The following PPP1R36 variants were observed in gnomAD, a reference collection of about 807,000 sequenced individuals.
PPP1R36 encodes chromosome 14 open reading frame 50.
PPP1R36 carries 47 observed loss-of-function variants against 53.4 expected under a neutral mutation model. The observed-to-expected ratio is 0.88, with a 90% confidence interval of 0.70 to 1.12. The LOEUF (loss-of-function observed/expected upper bound fraction) is 1.12, where lower values mean the gene tolerates loss of function less well. PPP1R36 is among the 50% of genes most tolerant of loss of function. The pLI is 0.00. For synonymous variants in PPP1R36, 153 were observed against 170.5 expected (o/e 0.90, Z 0.80); for missense variants, 456 against 513.9 (o/e 0.89, Z 1.09).
At chr14:64,551,590 TAAAAC>T in intron 2 of PPP1R36, 1 of 456,258 alleles carries the variant, frequency 2.2e-6, no homozygotes, top group Non-Finnish European at 4.4e-6. Context: ...TTCCAATTCT[TAAAAC>T]AACTGTGGAA....
In PPP1R36 at chr14:64,579,951, C is replaced by T. The variant is rs535858212; in HGVS notation, c.668+5362C>T. Among the ~76,000 whole-genome samples the T allele has an allele frequency of 2.0e-5, 3 of 151,642 alleles. No homozygotes were observed. In the East Asian group the frequency reaches 5.9e-4, roughly 30 times the overall value. On this transcript the variant is annotated intron_variant, in intron 8 of 11. Coordinates refer to ENST00000298705, the MANE Select transcript of PPP1R36 (RefSeq NM_172365.3). ...CGCCACTGCACTCCAGCCTGGGCGA[C>T]AGAGCGAGACTCCGTCTCAAAAAAC... is the stretch of plus-strand genomic sequence containing the variant.
At chr14:64,568,757 A>G (rs2080280488) in intron 7 of PPP1R36, among the ~76,000 whole-genome samples, 1 of 152,238 alleles carries the variant, frequency 6.6e-6, no homozygotes, top group Non-Finnish European at 1.5e-5. Context: ...ATTAATTTTA[A>G]TAGTGTCTTT....
intron 8 of PPP1R36, among the ~76,000 whole-genome samples, chr14:64,576,795 C>T (rs530555408): frequency 1.3e-5 from 2 of 152,314 alleles, no homozygotes; most frequent in South Asian, 4.1e-4. Flanking sequence ...TATTCTACTA[C>T]ATCCGTTCTG....
At chr14:64,563,013 T>C (rs2080217409) in intron 3 of PPP1R36, among the ~76,000 whole-genome samples, 1 of 152,024 alleles carries the variant, frequency 6.6e-6, no homozygotes, top group African/African-American at 2.4e-5. Flanking sequence ...ATTACAGGCA[T>C]GGGCCACCAC....
At chr14:64,577,301 T>C (rs958438081) in intron 8 of PPP1R36, among the ~76,000 whole-genome samples, 4 of 152,212 alleles carry the variant, frequency 2.6e-5, no homozygotes, top group Admixed American at 1.3e-4. Context: ...TTTCAACATA[T>C]GAATTTTGGG....
At chr14:64,574,237 C>T (rs1271669236) in intron 7 of PPP1R36, among the ~76,000 whole-genome samples, 1 of 152,174 alleles carries the variant, frequency 6.6e-6, no homozygotes, top group Non-Finnish European at 1.5e-5. Flanking sequence ...ATTAGCCAGG[C>T]ATGGTGGCAT....
At chr14:64,551,537 C>T (rs1304229544) in intron 2 of PPP1R36, 2 of 451,170 alleles carry the variant, frequency 4.4e-6, no homozygotes, top group Non-Finnish European at 8.9e-6. Flanking sequence ...ATACTAGACA[C>T]TATCTGTTGT....
Position 64,574,469 on chromosome 14 carries a change from A to C in PPP1R36, c.548A>C (p.Lys183Thr), listed in dbSNP as rs2080327444. 6.2e-7 allele frequency: 1 copy of C among 1,613,248 alleles called. No individual in the cohort carries two copies. Among genetic ancestry groups the C allele is most frequent in the African/African-American group, 1.3e-5 (1 of 74,912 alleles). The change falls in exon 8 of 12, where the codon AAA becomes ACA. Residue 183 changes from lysine (K) to threonine (T), a missense_variant. Coordinates refer to ENST00000298705, the MANE Select transcript of PPP1R36 (RefSeq NM_172365.3). Reference protein sequence around the residue: ...PKSYMVGLVEKKEMELVLSEL... With the variant: ...PKSYMVGLVETKEMELVLSEL... Reference sequence around the variant, plus strand: ...CTCCCCATCAGAGGCCTTGTAGAGAAAAAAGAAATGGAATTGGTTTTAAGT... The same window carrying C: ...CTCCCCATCAGAGGCCTTGTAGAGACAAAAGAAATGGAATTGGTTTTAAGT...
chr14:64,569,049 T>A (rs961185833), intron 7 of PPP1R36, among the ~76,000 whole-genome samples: 2 of 152,116 alleles, frequency 1.3e-5, no homozygotes, highest in African/African-American at 4.8e-5. Context: ...ATTAAAAAAA[T>A]TAATATATTT....
At chr14:64,575,244 C>T (rs1396664526) in intron 8 of PPP1R36, among the ~76,000 whole-genome samples, 1 of 151,650 alleles carries the variant, frequency 6.6e-6, no homozygotes, top group Non-Finnish European at 1.5e-5. Flanking sequence ...ATAATTATTC[C>T]CCCCATAGGA....
intron 3 of PPP1R36, 73 bp from the exon 4 acceptor site, chr14:64,564,678 T>G: frequency 1.0e-6 from 1 of 973,924 alleles, no homozygotes; most frequent in African/African-American, 1.6e-5. Context: ...CCAAAGATTA[T>G]GAGCTATGAT....
At chr14:64,579,763 G>A (rs1163538307) in intron 8 of PPP1R36, among the ~76,000 whole-genome samples, 1 of 151,990 alleles carries the variant, frequency 6.6e-6, no homozygotes, top group East Asian at 1.9e-4. Flanking sequence ...GAGGTCAGGA[G>A]ATCGAGACCA....
chr14:64,578,599 CA>C (rs1316833865), intron 8 of PPP1R36, among the ~76,000 whole-genome samples: 1 of 152,132 alleles, frequency 6.6e-6, no homozygotes, highest in African/African-American at 2.4e-5. Context: ...ATTAAAAAGT[CA>C]AAAAATAACA....
At chr14:64,586,222 C>G (rs1317420400) in intron 8 of PPP1R36, 1 of 152,294 alleles carries the variant, frequency 6.6e-6, no homozygotes, top group Non-Finnish European at 1.5e-5. Flanking sequence ...ATCCACGCAC[C>G]TCGGCCTCCC....
At position 64,587,237 on chromosome 14, in the gene PPP1R36, G is replaced by C. The variant is rs749746554; in HGVS notation, c.755G>C (p.Arg252Pro). The change falls in exon 10 of 12, where the codon CGA becomes CCA. Residue 252 changes from arginine to proline, a missense_variant. Transcript: ENST00000298705. ...FCTYVAWIVF[R>P]RQHLTEIEEE... is the part of the protein sequence containing the mutation. ...ACATATGTGGCTTGGATTGTCTTCCGACGTCAACACTTGACAGAGATTGAA... is the reference window on the plus strand; with the variant it reads ...ACATATGTGGCTTGGATTGTCTTCCCACGTCAACACTTGACAGAGATTGAA... The C allele has an allele frequency of 6.2e-7, 1 of 1,613,222 alleles. No individual in the cohort carries two copies. Among genetic ancestry groups the C allele is most frequent in the Non-Finnish European group, 8.5e-7 (1 of 1,179,552 alleles).
rs528482161 is a variant in PPP1R36, at chr14:64,552,234, A to G, written c.135-580A>G. Among the ~76,000 whole-genome samples, 472 of 152,326 alleles carry G rather than the reference A, an allele frequency of 3.1e-3. 3 individuals are homozygous for G. Among genetic ancestry groups the G allele is most frequent in the Non-Finnish European group, 5.3e-3 (358 of 68,034 alleles). The stretch of plus-strand genomic sequence containing the variant: ...CTGGGTGTGGTGGCTCAAGCCTGTA[A>G]TCCCAGCACTTTGGGAGGCTGAGGC... On this transcript the variant is annotated intron_variant, in intron 2 of 11. Coordinates refer to ENST00000298705, the MANE Select transcript of PPP1R36 (RefSeq NM_172365.3).
chr14:64,588,375 C>G, intron 11 of PPP1R36, 80 bp downstream of exon 11: 1 of 1,270,960 alleles, frequency 7.9e-7, no homozygotes, highest in Non-Finnish European at 1.1e-6. Flanking sequence ...GGCCCAGGCA[C>G]CATGCCTCTG....
intron 7 of PPP1R36, among the ~76,000 whole-genome samples, chr14:64,570,060 T>C (rs1306417239): frequency 2.0e-5 from 3 of 152,076 alleles, no homozygotes; most frequent in African/African-American, 7.2e-5. Flanking sequence ...TTGATAAGAA[T>C]AGATAATAAG....
At chr14:64,563,585 GGAA>G (rs1029114955) in intron 3 of PPP1R36, among the ~76,000 whole-genome samples, 36 of 152,202 alleles carry the variant, frequency 2.4e-4, no homozygotes, top group Middle Eastern at 6.8e-3. Flanking sequence ...AGAAACTCCT[GGAA>G]GAAGAAGAAA....
Sources: allele counts gnomAD v4.1 joint callset (sites outside exome capture counted in the v4.1 genomes callset), GRCh38; gene constraint gnomAD v4.1.1; transcripts MANE v1.5; gene names NCBI Gene and HGNC (gene_info 2026-07-23, HGNC 2026-07-21).